ZBTB20: variants seen among roughly 807,000 people sequenced by gnomAD.
ZBTB20 encodes the protein zinc finger and BTB domain containing 20.
Under a neutral mutation model 56.9 loss-of-function variants are expected in ZBTB20, and 9 were observed. That is an observed-to-expected ratio of 0.16 (90% confidence interval 0.10 to 0.28). The LOEUF is 0.28. Ranked by LOEUF, ZBTB20 falls within the 10% of genes least tolerant of loss-of-function variation. The pLI, the probability that ZBTB20 is intolerant of heterozygous loss-of-function variation, is 1.00. For missense variants in ZBTB20, 655 were observed against 1,003.0 expected (o/e 0.65, Z 4.69); for synonymous variants, 417 against 420.7 (o/e 0.99, Z 0.11).
intron 2 of ZBTB20, among the ~76,000 whole-genome samples, chr3:115,023,558 T>C (rs1319200370): frequency 6.6e-6 from 1 of 150,980 alleles, no homozygotes; most frequent in Non-Finnish European, 1.5e-5. Flanking sequence ...CATAAGGAAT[T>C]GAAATATGCT....
chr3:114,954,377 AT>A (rs2077175858), intron 3 of ZBTB20, among the ~76,000 whole-genome samples: 1 of 152,196 alleles, frequency 6.6e-6, no homozygotes, highest in African/African-American at 2.4e-5. Flanking sequence ...GTAGGTAGCT[AT>A]AAAAATATTT....
chr3:114,548,522 T>TC (rs2050180375), intron 6 of ZBTB20, among the ~76,000 whole-genome samples: 1 of 150,932 alleles, frequency 6.6e-6, no homozygotes, highest in South Asian at 2.1e-4. Flanking sequence ...ATTTTCTTTT[T>TC]TTTTTTTTCT....
chr3:114,764,330 T>G (rs1193561593), intron 5 of ZBTB20, among the ~76,000 whole-genome samples: 1 of 151,836 alleles, frequency 6.6e-6, no homozygotes, highest in Non-Finnish European at 1.5e-5. Context: ...ATATGCTCAC[T>G]GTGGCAGAAG....
chr3:114,834,607 T>C (rs1337909886), intron 4 of ZBTB20, among the ~76,000 whole-genome samples: 1 of 152,158 alleles, frequency 6.6e-6, no homozygotes, highest in East Asian at 1.9e-4. Context: ...CTTTTTTCTC[T>C]TTTCCATCCA....
intron 5 of ZBTB20, among the ~76,000 whole-genome samples, chr3:114,783,360 T>C (rs542769897): frequency 2.6e-5 from 4 of 152,312 alleles, no homozygotes; most frequent in East Asian, 1.9e-4. Flanking sequence ...GTCTTACTTA[T>C]ACTGTTTGCT....
chr3:115,134,127 A>G (rs1194511040), intron 1 of ZBTB20, among the ~76,000 whole-genome samples: 1 of 152,182 alleles, frequency 6.6e-6, no homozygotes, highest in African/African-American at 2.4e-5. Context: ...CTCTTCCTTA[A>G]TAACAAAGGC....
At chr3:114,529,721 T>C (rs1191421149) in intron 6 of ZBTB20, among the ~76,000 whole-genome samples, 2 of 152,238 alleles carry the variant, frequency 1.3e-5, no homozygotes, top group South Asian at 2.1e-4. Context: ...GTAGGGATGA[T>C]GGGTTGGGGT....
intron 6 of ZBTB20, among the ~76,000 whole-genome samples, chr3:114,572,632 T>C (rs528397698): frequency 3.4e-4 from 52 of 152,362 alleles, no homozygotes; most frequent in African/African-American, 1.2e-3. Flanking sequence ...TGTAAAGTTT[T>C]AGTTACTCCA....
At chr3:114,795,204 A>C (rs2071259232) in intron 5 of ZBTB20, among the ~76,000 whole-genome samples, 1 of 152,074 alleles carries the variant, frequency 6.6e-6, no homozygotes, top group African/African-American at 2.4e-5. Context: ...TCAGAGGTAA[A>C]CCTTCAGGAA....
At chr3:114,580,882 T>G (rs949632825) in intron 6 of ZBTB20, among the ~76,000 whole-genome samples, 17 of 151,884 alleles carry the variant, frequency 1.1e-4, no homozygotes, top group African/African-American at 4.1e-4. Flanking sequence ...CAGATTATTT[T>G]CTAATGTTAA....
At chr3:114,723,327 T>G (rs939842492) in intron 5 of ZBTB20, among the ~76,000 whole-genome samples, 3 of 152,222 alleles carry the variant, frequency 2.0e-5, no homozygotes, top group African/African-American at 7.2e-5. Flanking sequence ...TAATGGCTTC[T>G]AATTTTGTGA....
chr3:114,320,820 C>G lies in ZBTB20; in HGVS notation c.*18185G>C, dbSNP rs553712024. On this transcript the variant is annotated 3_prime_UTR_variant, in exon 12 of 12. Transcript: ENST00000675478. ...ATGGACTCTATTCTTATAAAAATAACCACAAATATAAAGAAATTATAATCA... is the reference window on the plus strand; with the variant it reads ...ATGGACTCTATTCTTATAAAAATAAGCACAAATATAAAGAAATTATAATCA... The G allele has an allele frequency of 6.6e-6, 1 of 152,014 alleles. No homozygotes were observed. Among genetic ancestry groups the G allele is most frequent in the African/African-American group, 2.4e-5 (1 of 41,450 alleles). The allele number at this position is 152,014 out of a possible 1,614,324, so 9.4% of individuals were successfully genotyped here.
At chr3:115,142,977 T>A (rs1220165593) in intron 1 of ZBTB20, among the ~76,000 whole-genome samples, 4 of 152,096 alleles carry the variant, frequency 2.6e-5, no homozygotes, top group Non-Finnish European at 5.9e-5. Flanking sequence ...AACTTGTATT[T>A]GGCTAACAAA....
At chr3:114,993,124 A>G (rs534280477) in intron 2 of ZBTB20, among the ~76,000 whole-genome samples, 1 of 152,132 alleles carries the variant, frequency 6.6e-6, no homozygotes, top group Admixed American at 6.6e-5. Flanking sequence ...CCCTGAAGAT[A>G]TATTAGTGAA....
At chr3:114,665,751 A>G (rs1341691943) in intron 6 of ZBTB20, among the ~76,000 whole-genome samples, 2 of 152,072 alleles carry the variant, frequency 1.3e-5, no homozygotes, top group Admixed American at 6.6e-5. Context: ...TTGCGGTATT[A>G]TAACAATTCA....
intron 4 of ZBTB20, among the ~76,000 whole-genome samples, chr3:114,898,742 T>C (rs1382839450): frequency 6.6e-6 from 1 of 151,898 alleles, no homozygotes. Flanking sequence ...TTGTTAAAAA[T>C]ACAAAAAAGG....
In ZBTB20 at chr3:114,974,372, C is replaced by T. The variant is rs1359836519; in HGVS notation, c.-462G>A. 6.6e-6 allele frequency: 1 copy of T among 152,064 alleles called. No individual in the cohort carries two copies. Among genetic ancestry groups the T allele is most frequent in the Non-Finnish European group, 1.5e-5 (1 of 67,954 alleles). 9.4% of individuals were successfully genotyped at this position (152,064 alleles called of 1,614,324 possible). ...AAATACCACTGGACATTACCTTCAG[C>T]CTTCAGAGTCCCAAAGGCAATTCTT... On this transcript the variant is annotated 5_prime_UTR_variant, in exon 3 of 12. Coordinates refer to ENST00000675478, the MANE Select transcript of ZBTB20 (RefSeq NM_001348800.3).
At chr3:114,500,567 C>CAGCTTCAT (rs1262211966) in intron 6 of ZBTB20, among the ~76,000 whole-genome samples, 176 bp from the exon 7 acceptor site, 5 of 152,138 alleles carry the variant, frequency 3.3e-5, no homozygotes, top group Non-Finnish European at 7.3e-5. Flanking sequence ...AAAGGAGACC[C>CAGCTTCAT]AGCTTCATAA....
rs535182543 is a variant in ZBTB20 at position 114,506,976 on chromosome 3, A to G, written c.-294-6585T>C. ...TGTGTGAAACACAGCACGACACTCCAATGTTTGTTGAATAAATGCTGTCCG... is the reference window on the plus strand; with the variant it reads ...TGTGTGAAACACAGCACGACACTCCGATGTTTGTTGAATAAATGCTGTCCG... On this transcript the variant is annotated intron_variant, in intron 6 of 11. Transcript: ENST00000675478. Among the ~76,000 whole-genome samples the G allele has an allele frequency of 1.6e-4, 25 of 152,300 alleles. 1 individual carries two copies. In the South Asian group the frequency reaches 5.0e-3, roughly 30 times the overall value.
Sources: allele counts gnomAD v4.1 joint callset (sites outside exome capture counted in the v4.1 genomes callset), GRCh38; gene constraint gnomAD v4.1.1; transcripts MANE v1.5; gene names NCBI Gene and HGNC (gene_info 2026-07-23, HGNC 2026-07-21).